The following PTPRO variants were observed in gnomAD, a reference collection of about 807,000 sequenced individuals.
PTPRO encodes the protein protein tyrosine phosphatase receptor type O, also known as receptor-type tyrosine-protein phosphatase O.
PTPRO carries 62 observed loss-of-function variants against 145.2 expected under a neutral mutation model. That is an observed-to-expected ratio of 0.43 (90% CI 0.35 to 0.53). The LOEUF is 0.53. Among genes scored for constraint, PTPRO ranks in the 20% least tolerant of loss-of-function variants. PTPRO has a pLI of 0.01. For missense variants in PTPRO, 1,345 were observed against 1,482.7 expected, an observed-to-expected ratio of 0.91 and a Z score of 1.53; for synonymous variants, 565 against 514.7, an observed-to-expected ratio of 1.10 and a Z score of -1.32.
At chr12:15,386,527 ATGTG>A (rs1166042498) in intron 1 of PTPRO, among the ~76,000 whole-genome samples, 2 of 152,180 alleles carry the variant, frequency 1.3e-5, no homozygotes, top group Admixed American at 6.5e-5. Flanking sequence ...ATATGTATGC[ATGTG>A]TGTATCATGT....
At chr12:15,381,335 T>C (rs1377665509) in intron 1 of PTPRO, among the ~76,000 whole-genome samples, 1 of 152,226 alleles carries the variant, frequency 6.6e-6, no homozygotes, top group Non-Finnish European at 1.5e-5. Context: ...GGCTTAATAA[T>C]GGTTTCTCTC....
chr12:15,507,838 A>T (rs943173217), intron 6 of PTPRO, among the ~76,000 whole-genome samples: 19 of 152,240 alleles, frequency 1.2e-4, no homozygotes, highest in African/African-American at 4.6e-4. Flanking sequence ...ATCCTAAGCA[A>T]ATAAATGGAA....
intron 1 of PTPRO, among the ~76,000 whole-genome samples, chr12:15,472,689 T>C: frequency 6.6e-6 from 1 of 152,210 alleles, no homozygotes. Context: ...GGCCAGGATA[T>C]TTGGATGCAA....
intron 1 of PTPRO, among the ~76,000 whole-genome samples, chr12:15,405,735 T>A (rs1429248583): frequency 6.6e-6 from 1 of 152,206 alleles, no homozygotes; most frequent in Non-Finnish European, 1.5e-5. Flanking sequence ...TCATTTTTAA[T>A]TTATTAGAAG....
At chr12:15,408,521 G>A (rs957779813) in intron 1 of PTPRO, among the ~76,000 whole-genome samples, 8 of 152,064 alleles carry the variant, frequency 5.3e-5, no homozygotes, top group Non-Finnish European at 8.8e-5. Flanking sequence ...TCCGCCTCCT[G>A]GGTTCAAGTC....
chr12:15,451,107 A>G (rs925275170), intron 1 of PTPRO, among the ~76,000 whole-genome samples: 3 of 152,110 alleles, frequency 2.0e-5, no homozygotes, highest in African/African-American at 7.2e-5. Context: ...ACACATAAGG[A>G]CTCACATAAA....
chr12:15,360,440 T>C (rs1477079296), intron 1 of PTPRO, among the ~76,000 whole-genome samples: 2 of 152,086 alleles, frequency 1.3e-5, no homozygotes, highest in East Asian at 1.9e-4. Flanking sequence ...ATAATGAATA[T>C]CCATGACAAT....
intron 1 of PTPRO, among the ~76,000 whole-genome samples, chr12:15,398,355 T>C (rs188975068): frequency 2.2e-4 from 34 of 152,328 alleles, no homozygotes. Context: ...GAAAGTCTTG[T>C]TCCCATGTGC....
At chr12:15,378,601 T>G (rs1252764033) in intron 1 of PTPRO, among the ~76,000 whole-genome samples, 1 of 152,106 alleles carries the variant, frequency 6.6e-6, no homozygotes, top group Non-Finnish European at 1.5e-5. Context: ...TTATGATGAA[T>G]TCTACCAAAC....
intron 12 of PTPRO, among the ~76,000 whole-genome samples, chr12:15,542,115 T>C (rs1050776137): frequency 6.6e-6 from 1 of 152,134 alleles, no homozygotes; most frequent in African/African-American, 2.4e-5. Context: ...TAGAAAGCAA[T>C]CAAAATGCCT....
At chr12:15,361,171 C>T (rs1479724548) in intron 1 of PTPRO, among the ~76,000 whole-genome samples, 2 of 151,664 alleles carry the variant, frequency 1.3e-5, no homozygotes, top group African/African-American at 2.4e-5. Context: ...GGCGTGGTGG[C>T]TCACGTCTGT....
intron 1 of PTPRO, among the ~76,000 whole-genome samples, chr12:15,470,344 C>T (rs1009804977): frequency 6.6e-6 from 1 of 152,192 alleles, no homozygotes; most frequent in African/African-American, 2.4e-5. Context: ...CTTTGAACCT[C>T]AGTTTCTTCT....
At chr12:15,444,510 G>A (rs951965383) in intron 1 of PTPRO, among the ~76,000 whole-genome samples, 1 of 151,916 alleles carries the variant, frequency 6.6e-6, no homozygotes, top group African/African-American at 2.4e-5. Flanking sequence ...GAAAAAAAAA[G>A]TTTTAAAGGC....
At chr12:15,428,567 T>TA (rs1267638268) in intron 1 of PTPRO, among the ~76,000 whole-genome samples, 1 of 152,110 alleles carries the variant, frequency 6.6e-6, no homozygotes, top group African/African-American at 2.4e-5. Context: ...AATTATTTAA[T>TA]AAAAAAGGAT....
rs7301461 is a variant in PTPRO at position 15,546,838 on chromosome 12, C to G, written c.2304+130C>G. Reference sequence around the variant, plus strand: ...TGTTTATTTGCTCTTTTGTGTTTCACTGATAGAAATTAACAGCAGGCTTAG... The same window carrying G: ...TGTTTATTTGCTCTTTTGTGTTTCAGTGATAGAAATTAACAGCAGGCTTAG... On this transcript the variant is annotated intron_variant, in intron 13 of 26. Coordinates refer to ENST00000281171, the MANE Select transcript of PTPRO (RefSeq NM_030667.3). 414,363 of 1,344,636 alleles carry G rather than the reference C, an allele frequency of 0.31. 65,547 individuals are homozygous for G. Among genetic ancestry groups the G allele is most frequent in the Middle Eastern group, 0.43 (1,703 of 3,990 alleles). 83.3% of individuals were successfully genotyped at this position (1,344,636 alleles called of 1,614,324 possible). A position where few individuals can be genotyped will look rare whatever the true frequency, so the allele number is the denominator to read the frequency against.
intron 1 of PTPRO, among the ~76,000 whole-genome samples, chr12:15,475,941 A>G (rs1373441639): frequency 6.6e-6 from 1 of 152,218 alleles, no homozygotes; most frequent in African/African-American, 2.4e-5. Flanking sequence ...TCCAATGAGG[A>G]CATCTCAGCT....
intron 1 of PTPRO, among the ~76,000 whole-genome samples, chr12:15,350,966 A>C (rs1010899977): frequency 3.3e-5 from 5 of 152,232 alleles, no homozygotes; most frequent in Admixed American, 6.5e-5. Flanking sequence ...TTCTTGATTT[A>C]TTTTCTTTTT....
intron 5 of PTPRO, 144 bp from the exon 6 acceptor site, chr12:15,503,764 C>A: frequency 1.6e-6 from 1 of 619,150 alleles, no homozygotes; most frequent in South Asian, 2.1e-5. Flanking sequence ...TTTAATGGTA[C>A]CTTTAGTTTA....
intron 16 of PTPRO, among the ~76,000 whole-genome samples, chr12:15,559,300 A>G (rs1214137039): frequency 3.1e-4 from 47 of 152,304 alleles, no homozygotes; most frequent in Admixed American, 3.1e-3. Context: ...CGACTCTAGC[A>G]TTTTCTAGCT....
Sources: allele counts gnomAD v4.1 joint callset (sites outside exome capture counted in the v4.1 genomes callset), GRCh38; gene constraint gnomAD v4.1.1; transcripts MANE v1.5; gene names NCBI Gene and HGNC (gene_info 2026-07-23, HGNC 2026-07-21).